JMJD4: variants seen among roughly 807,000 people sequenced by gnomAD.
JMJD4 encodes jumonji domain containing 4.
A neutral mutation model predicts 36.3 loss-of-function variants in JMJD4; 34 were observed. The ratio of observed to expected loss-of-function variants is 0.94; its 90% CI spans 0.71 to 1.25. The LOEUF is 1.25. JMJD4 is among the 50% of genes most tolerant of loss of function. The pLI is 0.00. For synonymous variants in JMJD4, 269 were observed against 235.3 expected, an observed-to-expected ratio of 1.14 and a Z score of -1.31; for missense variants, 584 against 559.1, an observed-to-expected ratio of 1.04 and a Z score of -0.45.
intron 4 of JMJD4, 122 bp downstream of exon 4, chr1:227,733,292 G>A (rs1276419873): frequency 1.3e-5 from 14 of 1,077,180 alleles, no homozygotes; most frequent in Non-Finnish European, 1.7e-5. Context: ...CTTGTGAAGG[G>A]GTCAGCCTCA....
At chr1:227,734,872 C>A in intron 1 of JMJD4, 56 bp from the exon 2 acceptor site, 2 of 1,604,170 alleles carry the variant, frequency 1.2e-6, no homozygotes, top group South Asian at 2.2e-5. Flanking sequence ...TCACTCCAAA[C>A]CGTCTGCAGA....
Position 227,735,005 on chromosome 1 carries a change from G to GC in JMJD4, c.262+6dup. ...TCCCCGCCCGGGGTCTGCGGCCGCC[G>GC]CCCCACCGTAGGTCCGTAGCAGGTG... On this transcript the variant is annotated splice_region_variant and intron_variant, in intron 1 of 5. Transcript: ENST00000620518. The GC allele has an allele frequency of 2.6e-6, 4 of 1,520,548 alleles. No individual in the cohort carries two copies. Among genetic ancestry groups the GC allele is most frequent in the Non-Finnish European group, 3.5e-6 (4 of 1,137,138 alleles). The allele number at this position is 1,520,548 out of a possible 1,614,324, so 94.2% of individuals were successfully genotyped here. A position where few individuals can be genotyped will look rare whatever the true frequency, so the allele number is the denominator to read the frequency against.
rs1333714205 is a variant in JMJD4 at position 227,733,444 on chromosome 1, G to A, written c.792C>T (p.Pro264=). The A allele has an allele frequency of 1.3e-6, 2 of 1,582,814 alleles. No homozygotes were observed. The highest frequency in any genetic ancestry group is 1.7e-6 in the Non-Finnish European group (2 of 1,165,218). Residue 264 remains proline, a synonymous_variant, in exon 4 of 6, where the codon CCC becomes CCT. Transcript: ENST00000620518. ...TGTGCACCTGGTGGTGCCAGCCACT[G>A]GGCACAAACACCATCTCGCCCGCTT... ...TQEAGEMVFV[P]SGWHHQVHNL... is the part of the protein sequence containing the mutation.
rs751630183 is a variant in JMJD4 at position 227,733,566 on chromosome 1, C to G, written c.670G>C (p.Gly224Arg). ...GAGGTCACGTCGTAGGGCAGGTTGC[C>G]GTGGCGGTCCCGCAGGGCCTCTTCC... ...GQEEALRDRH[G>R]NLPYDVTSPA... The change falls in exon 4 of 6, where the codon GGC becomes CGC. Residue 224 changes from glycine (G) to arginine (R), a missense_variant. Physicochemically the swap from Gly to Arg is moderately radical, Grantham distance 125. Coordinates refer to ENST00000620518, the MANE Select transcript of JMJD4 (RefSeq NM_023007.3). The G allele has an allele frequency of 1.2e-6, 2 of 1,606,116 alleles. No individual in the cohort carries two copies. Among genetic ancestry groups the G allele is most frequent in the Non-Finnish European group, 1.7e-6 (2 of 1,177,560 alleles).
In JMJD4 at chr1:227,732,382, A is replaced by C. The variant is rs932697379; in HGVS notation, c.*10T>G. 6.2e-7 allele frequency: 1 copy of C among 1,610,610 alleles called. No individual in the cohort carries two copies. The highest frequency in any genetic ancestry group is 8.5e-7 in the Non-Finnish European group (1 of 1,178,978). On this transcript the variant is annotated 3_prime_UTR_variant, in exon 6 of 6. Coordinates refer to ENST00000620518, the MANE Select transcript of JMJD4 (RefSeq NM_023007.3). ...CTCTTCCACCCGTCCTTCTATCCTC[A>C]CGACAGGTGCTATGGGGCCGCAGCA...
rs1324822286 is a variant in JMJD4, at chr1:227,731,677, C to T, written c.*715G>A. The T allele has an allele frequency of 6.5e-6, 1 of 153,448 alleles. No individual in the cohort carries two copies. Among genetic ancestry groups the T allele is most frequent in the Non-Finnish European group, 1.4e-5 (1 of 69,008 alleles). The allele number at this position is 153,448 out of a possible 1,614,324, so 9.5% of individuals were successfully genotyped here. ...GTGTGAAGAGGGGCTGGGGACCCAC[C>T]ACTCCTGAGAACAGCATCCTTGGGA... On this transcript the variant is annotated 3_prime_UTR_variant, in exon 6 of 6. Coordinates refer to ENST00000620518, the MANE Select transcript of JMJD4 (RefSeq NM_023007.3).
rs1352183275 is a variant in JMJD4 at position 227,732,948 on chromosome 1, A to G, written c.902T>C (p.Leu301Pro). ...GCTGACCTCCTCCTGCACGGCGCAT[A>G]GCTCCTGCTGCAAGAAGCGCCACAT... ...ANMWRFLQQE[L>P]CAVQEEVSEW... Residue 301 changes from leucine to proline, a missense_variant, in exon 5 of 6, where the codon CTA becomes CCA. Transcript: ENST00000620518. 6.2e-7 allele frequency: 1 copy of G among 1,613,250 alleles called. No individual in the cohort carries two copies. The highest frequency in any genetic ancestry group is 8.5e-7 in the Non-Finnish European group (1 of 1,180,018).
Position 227,732,303 on chromosome 1 carries a change from T to C in JMJD4, c.*89A>G. 1.4e-6 allele frequency: 2 copies of C among 1,477,796 alleles called. No individual in the cohort carries two copies. Among genetic ancestry groups the C allele is most frequent in the Non-Finnish European group, 9.3e-7 (1 of 1,074,910 alleles). The allele number at this position is 1,477,796 out of a possible 1,614,324, so 91.5% of individuals were successfully genotyped here. The stretch of plus-strand genomic sequence containing the variant: ...AGCCTCGACAGGGGTGGGCCCCAGG[T>C]CACAGGGAGGGCGGTCTTTATTTCT... On this transcript the variant is annotated 3_prime_UTR_variant, in exon 6 of 6. Transcript: ENST00000620518.
In JMJD4 at chr1:227,735,242, C is replaced by A; in HGVS notation, c.32G>T (p.Ser11Ile). 1 of 1,600,978 alleles carries A rather than the reference C, an allele frequency of 6.2e-7. No homozygotes were observed. Among genetic ancestry groups the A allele is most frequent in the Non-Finnish European group, 8.5e-7 (1 of 1,174,638 alleles). The change falls in exon 1 of 6, where the codon AGC becomes ATC. Residue 11 changes from serine to isoleucine, a missense_variant. By Grantham distance (142) the Ser-to-Ile change is moderately radical. Coordinates refer to ENST00000620518, the MANE Select transcript of JMJD4 (RefSeq NM_023007.3). ...ATCGACCCCCAGGCCTCGGAAGTGG[C>A]TGTCGGCGAGGGCGCGCGTCTCGCG... MDRETRALAD[S>I]HFRGLGVDVP...
At chr1:227,734,273 T>C in intron 2 of JMJD4, 1 of 526,084 alleles carries the variant, frequency 1.9e-6, no homozygotes, top group Non-Finnish European at 3.3e-6. Flanking sequence ...CCCAGTGCTT[T>C]GAGATGCTGA....
At chr1:227,733,388 A>C in intron 4 of JMJD4, 26 bp downstream of exon 4, 1 of 1,558,910 alleles carries the variant, frequency 6.4e-7, no homozygotes, top group Non-Finnish European at 8.7e-7. Context: ...GGCCCCTGAT[A>C]GGGGGCAGGA....
At chr1:227,732,826 C>T in intron 5 of JMJD4, 55 bp downstream of exon 5, 1 of 1,605,766 alleles carries the variant, frequency 6.2e-7, no homozygotes, top group Non-Finnish European at 8.5e-7. Flanking sequence ...GAGTCTGAGC[C>T]ATGCAGCCTA....
chr1:227,734,496 G>A, intron 2 of JMJD4, 155 bp downstream of exon 2: 1 of 655,578 alleles, frequency 1.5e-6, no homozygotes, highest in Non-Finnish European at 2.6e-6. Context: ...TTGCAGCCAT[G>A]CGGAAGACAA....
rs201975311 is a variant in JMJD4 at position 227,735,173 on chromosome 1, G to C, written c.101C>G (p.Ser34Trp). ...GQAPGRVAFVSEPGAFSYADF... is the reference protein window; with the variant it reads ...GQAPGRVAFVWEPGAFSYADF... ...GGCGTAGGAGAAGGCGCCCGGCTCCGAGACGAAGGCTACCCGGCCCGGAGC... is the reference window on the plus strand; with the variant it reads ...GGCGTAGGAGAAGGCGCCCGGCTCCCAGACGAAGGCTACCCGGCCCGGAGC... Residue 34 changes from serine to tryptophan, a missense_variant, in exon 1 of 6, where the codon TCG becomes TGG. By Grantham distance (177) the Ser-to-Trp change is radical. Coordinates refer to ENST00000620518, the MANE Select transcript of JMJD4 (RefSeq NM_023007.3). The C allele has an allele frequency of 6.0e-3, 9,524 of 1,580,746 alleles. 49 individuals carry two copies. Among genetic ancestry groups the C allele is most frequent in the Non-Finnish European group, 7.3e-3 (8,477 of 1,164,222 alleles).
rs771748018 is a variant in JMJD4 at position 227,734,716 on chromosome 1, C to T, written c.363G>A (p.Glu121=). The change falls in exon 2 of 6, where the codon GAG becomes GAA. Residue 121 remains glutamate, a synonymous_variant. Coordinates refer to ENST00000620518, the MANE Select transcript of JMJD4 (RefSeq NM_023007.3). ...TLRDYITYWK[E]YIQAGYSSPR... ...GAGAGGAGTAGCCCGCCTGTATGTA[C>T]TCTTTCCAGTAGGTGATGTAGTCTC... 2 of 1,614,176 alleles carry T rather than the reference C, an allele frequency of 1.2e-6. No homozygotes were observed. Among genetic ancestry groups the T allele is most frequent in the Non-Finnish European group, 8.5e-7 (1 of 1,180,006 alleles).
At chr1:227,732,747 G>A (rs868091093) in intron 5 of JMJD4, 71 bp from the exon 6 acceptor site, 24 of 1,592,978 alleles carry the variant, frequency 1.5e-5, no homozygotes, top group Non-Finnish European at 1.9e-5. Flanking sequence ...CCCGACATGC[G>A]CCCAGTCCCC....
In JMJD4 at chr1:227,735,280, C is replaced by T; in HGVS notation, c.-7G>A. The T allele has an allele frequency of 1.9e-6, 3 of 1,606,516 alleles. No homozygotes were observed. The highest frequency in any genetic ancestry group is 1.7e-6 in the Non-Finnish European group (2 of 1,177,700). On this transcript the variant is annotated 5_prime_UTR_variant, in exon 1 of 6. Coordinates refer to ENST00000620518, the MANE Select transcript of JMJD4 (RefSeq NM_023007.3). ...CGCGCGTCTCGCGGTCCATCCAGCTCAGCACGGGTCGAAGGACCCTCCTCC... is the reference window on the plus strand; with the variant it reads ...CGCGCGTCTCGCGGTCCATCCAGCTTAGCACGGGTCGAAGGACCCTCCTCC...
In JMJD4 at chr1:227,733,987, C is replaced by G. The variant is rs774215315; in HGVS notation, c.474G>C (p.Ser158=). ...CCCAGAACTCATTCAGCCAGTCGGA[C>G]GAGAAGTACACAGGCAGGGTGAAAA... ...EDVFTLPVYF[S]SDWLNEFWDA... is the part of the protein sequence containing the mutation. The change falls in exon 3 of 6, where the codon TCG becomes TCC. Residue 158 remains serine (S), a synonymous_variant. Transcript: ENST00000620518. The G allele has an allele frequency of 1.9e-6, 3 of 1,613,910 alleles. No individual in the cohort carries two copies. Among genetic ancestry groups the G allele is most frequent in the East Asian group, 2.2e-5 (1 of 44,876 alleles).
At chr1:227,734,393 G>A (rs935485301) in intron 2 of JMJD4, 2 of 240,116 alleles carry the variant, frequency 8.3e-6, no homozygotes, top group South Asian at 2.5e-4. Flanking sequence ...GAGTGGAGAC[G>A]CCTTCCTGTA....
Sources: gnomAD v4.1 joint callset for allele counts on GRCh38, gnomAD v4.1.1 for gene constraint, MANE v1.5 for transcripts, NCBI Gene and HGNC (gene_info 2026-07-23, HGNC 2026-07-21) for gene names.